The following STK3 variants were observed in gnomAD, a reference collection of about 807,000 sequenced individuals.
STK3 encodes serine/threonine kinase 3.
STK3 carries 41 observed loss-of-function variants against 58.0 expected under a neutral mutation model. The ratio of observed to expected loss-of-function variants is 0.71; its 90% confidence interval spans 0.55 to 0.92. The LOEUF (loss-of-function observed/expected upper bound fraction) is 0.92, where lower values mean the gene tolerates loss of function less well. Ranked by LOEUF, STK3 falls within the 40% of genes least tolerant of loss-of-function variation. The pLI, the probability that STK3 is intolerant of heterozygous loss-of-function variation, is 0.00. For missense variants in STK3, 479 were observed against 602.7 expected (o/e 0.79, Z 2.15); for synonymous variants, 170 against 191.0 (o/e 0.89, Z 0.91).
rs773621636 is a variant in STK3, at chr8:98,676,614, T to TA, written c.684+29852dup. 5.8e-3 allele frequency among the ~76,000 whole-genome samples: 800 copies of TA among 137,256 alleles called. 6 individuals are homozygous for TA. Among genetic ancestry groups the TA allele is most frequent in the African/African-American group, 0.015 (567 of 37,416 alleles). 90.0% of individuals were successfully genotyped at this position (137,256 alleles called of 152,430 possible). A position where few individuals can be genotyped will look rare whatever the true frequency, so the allele number is the denominator to read the frequency against. ...GGGAACAAGAGTGAAACTCTATCTT[T>TA]AAAAAAAAAAAAAAAGTTAAACGGT... On this transcript the variant is annotated intron_variant, in intron 6 of 10. Transcript: ENST00000419617.
the STK3 span, among the ~76,000 whole-genome samples, chr8:98,364,979 CTG>C: frequency 1.3e-5 from 2 of 151,490 alleles, no homozygotes; most frequent in Admixed American, 1.3e-4. Context: ...CAATTTTACA[CTG>C]TTTTTCTCCT....
At chr8:98,725,372 T>A (rs570806277) in intron 4 of STK3, among the ~76,000 whole-genome samples, 1 of 152,186 alleles carries the variant, frequency 6.6e-6, no homozygotes, top group South Asian at 2.1e-4. Context: ...TCCTCTTTTG[T>A]ACCCTTTTGT....
chr8:98,366,723 C>T (rs185607961), downstream of STK3, among the ~76,000 whole-genome samples: 1 of 152,182 alleles, frequency 6.6e-6, no homozygotes, highest in Admixed American at 6.5e-5. Flanking sequence ...TCCACCCACC[C>T]CCACCTGGCT....
Position 98,515,811 on chromosome 8 carries a change from C to G in STK3, c.1317+10931G>C, listed in dbSNP as rs973073581. Among the ~76,000 whole-genome samples the G allele has an allele frequency of 1.3e-5, 2 of 151,244 alleles. 1 individual carries two copies. Among genetic ancestry groups the G allele is most frequent in the South Asian group, 4.2e-4 (2 of 4,794 alleles). On this transcript the variant is annotated intron_variant, in intron 10 of 10. Transcript: ENST00000419617. ...TTTTTAAAATTTTATTATTATTATA[C>G]TTTAAGTTTTAGGGTACATGTGCAC...
chr8:98,393,592 T>C (rs1586546651), intron 3 of STK3: 1 of 152,160 alleles, frequency 6.6e-6, no homozygotes, highest in Non-Finnish European at 1.5e-5. Flanking sequence ...TTGCTTGGGA[T>C]TCCTGCCCCA....
intron 6 of STK3, among the ~76,000 whole-genome samples, chr8:98,654,987 T>C (rs1291701884): frequency 2.0e-5 from 3 of 152,018 alleles, no homozygotes; most frequent in Non-Finnish European, 4.4e-5. Context: ...AAAAGTACTT[T>C]AAAGTTCATA....
At chr8:98,408,240 T>C (rs1034661648) in intron 3 of STK3, among the ~76,000 whole-genome samples, 2 of 152,196 alleles carry the variant, frequency 1.3e-5, no homozygotes, top group Non-Finnish European at 1.5e-5. Context: ...CTCAGTGTTA[T>C]AGTGAGGATG....
intron 2 of STK3, chr8:98,379,048 TG>T (rs1451047393): frequency 6.6e-6 from 1 of 152,160 alleles, no homozygotes; most frequent in Non-Finnish European, 1.5e-5. Context: ...CCCAGGTCTG[TG>T]GGTTCACTTG....
At chr8:98,625,815 GA>G (rs1446303471) in intron 6 of STK3, among the ~76,000 whole-genome samples, 1 of 152,162 alleles carries the variant, frequency 6.6e-6, no homozygotes, top group Non-Finnish European at 1.5e-5. Context: ...AACCACCACA[GA>G]AAAAACATCC....
rs988936845 is a variant in STK3, at chr8:98,535,505, G to A, written c.1142-8588C>T. ...CACTGGCTTCACTGCTGAGGCTCTCGTTATGGTCTTGTTTTCTCCTCAACT... is the reference window on the plus strand; with the variant it reads ...CACTGGCTTCACTGCTGAGGCTCTCATTATGGTCTTGTTTTCTCCTCAACT... On this transcript the variant is annotated intron_variant, in intron 9 of 10. Transcript: ENST00000419617. Among the ~76,000 whole-genome samples, 7 of 146,820 alleles carry A rather than the reference G, an allele frequency of 4.8e-5. No homozygotes were observed. In the South Asian group the frequency reaches 1.1e-3, roughly 23 times the overall value.
chr8:98,420,850 C>T (rs1016732330), intron 3 of STK3, among the ~76,000 whole-genome samples: 4 of 152,196 alleles, frequency 2.6e-5, no homozygotes, highest in African/African-American at 4.8e-5. Context: ...ATGTGTCAGG[C>T]CTTGGTATAT....
intron 3 of STK3, among the ~76,000 whole-genome samples, chr8:98,406,546 GTAGA>G (rs1370352666): frequency 2.0e-4 from 30 of 152,100 alleles, no homozygotes; most frequent in Admixed American, 1.5e-3. Context: ...CCTGCCCATA[GTAGA>G]GACTTACAGG....
chr8:98,869,328 C>G (rs995453258), intron 3 of STK3, among the ~76,000 whole-genome samples: 1 of 151,524 alleles, frequency 6.6e-6, no homozygotes, highest in South Asian at 2.1e-4. Flanking sequence ...GGCTGAGGCA[C>G]GAGAATCGCT....
At chr8:98,776,979 G>A (rs1831728484) in intron 1 of STK3, among the ~76,000 whole-genome samples, 1 of 151,984 alleles carries the variant, frequency 6.6e-6, no homozygotes, top group African/African-American at 2.4e-5. Flanking sequence ...GAACCCAGGA[G>A]GCGGAGCTTG....
intron 3 of STK3, among the ~76,000 whole-genome samples, chr8:98,404,679 C>CAAAA (rs35146514): frequency 0.18 from 17,289 of 94,824 alleles, 2,008 homozygotes; most frequent in African/African-American, 0.32. Flanking sequence ...GTCTCTGTCT[C>CAAAA]AAAAAAAAAA....
At chr8:98,490,923 G>T (rs1822636799) in intron 10 of STK3, among the ~76,000 whole-genome samples, 1 of 152,174 alleles carries the variant, frequency 6.6e-6, no homozygotes, top group Non-Finnish European at 1.5e-5. Flanking sequence ...TTCCTGAGAT[G>T]ATTCAGATAG....
At chr8:98,413,759 A>G in intron 3 of STK3, 1 of 696,362 alleles carries the variant, frequency 1.4e-6, no homozygotes, top group East Asian at 3.0e-5. Flanking sequence ...GCCTGACCCC[A>G]TGAGAGGAAG....
intron 10 of STK3, among the ~76,000 whole-genome samples, chr8:98,470,718 T>C (rs1820854217): frequency 6.6e-6 from 1 of 152,214 alleles, no homozygotes; most frequent in Non-Finnish European, 1.5e-5. Context: ...ATGACATTTT[T>C]CCTAGACAAT....
At chr8:98,484,378 T>C (rs1439453144) in intron 10 of STK3, among the ~76,000 whole-genome samples, 1 of 152,146 alleles carries the variant, frequency 6.6e-6, no homozygotes, top group Non-Finnish European at 1.5e-5. Context: ...CTACATTAAA[T>C]GAAAAAATTC....
Sources: allele counts gnomAD v4.1 joint callset (sites outside exome capture counted in the v4.1 genomes callset), GRCh38; gene constraint gnomAD v4.1.1; transcripts MANE v1.5; gene names NCBI Gene and HGNC (gene_info 2026-07-23, HGNC 2026-07-21).